RIPOR2: variants seen among roughly 807,000 people sequenced by gnomAD.
The protein encoded by RIPOR2 is RHO family interacting cell polarization regulator 2, also known as rho family-interacting cell polarization regulator 2.
RIPOR2 carries 39 observed loss-of-function variants against 114.5 expected under a neutral mutation model. The ratio of observed to expected loss-of-function variants is 0.34; its 90% CI spans 0.26 to 0.44. The LOEUF (loss-of-function observed/expected upper bound fraction) is 0.44. Among genes scored for constraint, RIPOR2 ranks in the 20% least tolerant of loss-of-function variants. The pLI is 1.00. For synonymous variants in RIPOR2, 445 were observed against 484.4 expected (o/e 0.92, Z 1.07); for missense variants, 1,007 against 1,255.1 (o/e 0.80, Z 2.99).
chr6:24,910,836 T>A (rs1208827885), intron 1 of RIPOR2: 1 of 985,280 alleles, frequency 1.0e-6, no homozygotes, highest in East Asian at 1.1e-4. Flanking sequence ...GACGGCTCCT[T>A]GTCATGTCAG....
intron 1 of RIPOR2, among the ~76,000 whole-genome samples, chr6:24,980,582 G>A (rs987013724): frequency 6.6e-6 from 1 of 152,346 alleles, no homozygotes; most frequent in South Asian, 2.1e-4. Context: ...TAGGAAGGCA[G>A]TTGGCCCCTC....
intron 8 of RIPOR2, among the ~76,000 whole-genome samples, chr6:24,857,266 G>A (rs1383189643): frequency 6.6e-6 from 1 of 152,184 alleles, no homozygotes; most frequent in East Asian, 1.9e-4. Flanking sequence ...CACAGTTGGA[G>A]AAAGCTGCAA....
chr6:24,848,103 T>C lies in RIPOR2; in HGVS notation c.1086A>G (p.Ala362=), dbSNP rs35698586. The stretch of plus-strand genomic sequence containing the variant: ...TGGACATTCTCCTCTGAAGGGCTGC[T>C]GCCTTGTTCCCAGCGCCTGAGGATG... ...MTASSGAGNK[A]AALQRRMSMY... The change falls in exon 12 of 22, where the codon GCA becomes GCG. Residue 362 remains alanine, a synonymous_variant. Transcript: ENST00000643898. 8,451 of 1,613,958 alleles carry C rather than the reference T, an allele frequency of 5.2e-3. 223 individuals are homozygous for C. The African/African-American group carries it at 0.073, about 14-fold the overall frequency.
intron 1 of RIPOR2, among the ~76,000 whole-genome samples, chr6:24,897,119 T>C (rs1767958196): frequency 6.6e-6 from 1 of 152,206 alleles, no homozygotes; most frequent in South Asian, 2.1e-4. Context: ...TCCCAATACA[T>C]TGGAAGTGAA....
At chr6:24,935,980 T>A, upstream of RIPOR2, 1 of 1,075,602 alleles carries the variant, frequency 9.3e-7, no homozygotes, top group Non-Finnish European at 1.4e-6. Context: ...GGTGATTTCC[T>A]TTCCTTGGGT....
chr6:25,002,341 T>C (rs1775359621), intron 1 of RIPOR2, among the ~76,000 whole-genome samples: 1 of 152,216 alleles, frequency 6.6e-6, no homozygotes, highest in Admixed American at 6.5e-5. Context: ...ACTCGTAGAC[T>C]CTACATTCAT....
intron 1 of RIPOR2, among the ~76,000 whole-genome samples, chr6:24,954,431 A>G (rs1038994169): frequency 2.7e-5 from 4 of 147,114 alleles, no homozygotes; most frequent in South Asian, 4.3e-4. Context: ...CACCTGGTGA[A>G]CTGTGCAGGC....
intron 1 of RIPOR2, among the ~76,000 whole-genome samples, chr6:24,899,304 A>G (rs753079250): frequency 9.9e-5 from 15 of 152,222 alleles, no homozygotes; most frequent in South Asian, 4.1e-4. Flanking sequence ...CTTCTTTTGC[A>G]CTGATTTGAA....
At chr6:24,842,761 G>A in intron 13 of RIPOR2, 101 bp downstream of exon 13, 7 of 567,160 alleles carry the variant, frequency 1.2e-5, no homozygotes, top group Admixed American at 3.8e-5. Flanking sequence ...TCCTGTGATT[G>A]GACAGGATTT....
intron 1 of RIPOR2, among the ~76,000 whole-genome samples, chr6:24,904,622 T>C (rs990784321): frequency 3.3e-5 from 5 of 152,260 alleles, no homozygotes; most frequent in Admixed American, 1.3e-4. Context: ...TTATTTTGCC[T>C]ACCATAGCAG....
At chr6:24,985,412 G>T (rs925227398) in intron 1 of RIPOR2, among the ~76,000 whole-genome samples, 1 of 152,002 alleles carries the variant, frequency 6.6e-6, no homozygotes, top group African/African-American at 2.4e-5. Flanking sequence ...AAGGCTGCAA[G>T]TGATCAAAAT....
At chr6:24,975,140 C>T (rs781037622) in intron 1 of RIPOR2, among the ~76,000 whole-genome samples, 11 of 152,124 alleles carry the variant, frequency 7.2e-5, no homozygotes, top group Non-Finnish European at 1.2e-4. Flanking sequence ...GTGAACTGTA[C>T]GGTATGTGAA....
rs1765430409 is a variant in RIPOR2, at chr6:24,873,676, T to C, written c.312A>G (p.Glu104=). 3 of 1,613,604 alleles carry C rather than the reference T, an allele frequency of 1.9e-6. No homozygotes were observed. The highest frequency in any genetic ancestry group is 2.5e-6 in the Non-Finnish European group (3 of 1,179,800). ...CATTTTTCAAGGCCCTGTAGACTTC[T>C]TCCACCCTTTTAGGCTGAGGCTCTT... The part of the protein sequence containing the change: ...PPKEPQPKRV[E]EVYRALKNGL... The change falls in exon 3 of 22, where the codon GAA becomes GAG. Residue 104 remains glutamate, a synonymous_variant. Transcript: ENST00000643898.
At chr6:25,009,962 A>G (rs540789703) in intron 1 of RIPOR2, among the ~76,000 whole-genome samples, 1 of 152,292 alleles carries the variant, frequency 6.6e-6, no homozygotes, top group African/African-American at 2.4e-5. Flanking sequence ...GGATGCCCAG[A>G]AGAACTTCCA....
chr6:24,921,789 G>C, intron 1 of RIPOR2, among the ~76,000 whole-genome samples: 1 of 151,844 alleles, frequency 6.6e-6, no homozygotes, highest in Non-Finnish European at 1.5e-5. Context: ...ACTGAACCAA[G>C]CATGTGGAAG....
At chr6:24,983,106 G>A (rs1256141970) in intron 1 of RIPOR2, among the ~76,000 whole-genome samples, 2 of 151,858 alleles carry the variant, frequency 1.3e-5, no homozygotes, top group Non-Finnish European at 2.9e-5. Flanking sequence ...CTATGCTCCT[G>A]GGTTGTTGCA....
intron 1 of RIPOR2, among the ~76,000 whole-genome samples, chr6:24,918,918 C>G (rs1465595128): frequency 6.6e-6 from 1 of 152,238 alleles, no homozygotes; most frequent in East Asian, 1.9e-4. Context: ...CTAGCTAGCT[C>G]CAGGGTCTAA....
chr6:24,849,799 T>C lies in RIPOR2; in HGVS notation c.1034+3A>G. ...ATGATGAAATAAAGGAAGAGGCACT[T>C]ACTACCAGGTGATTTCCAGGTTCAG... On this transcript the variant is annotated splice_donor_region_variant and intron_variant, in intron 11 of 21. Coordinates refer to ENST00000643898, the MANE Select transcript of RIPOR2 (RefSeq NM_001286445.3). 1.2e-6 allele frequency: 2 copies of C among 1,612,872 alleles called. No individual in the cohort carries two copies. Among genetic ancestry groups the C allele is most frequent in the Non-Finnish European group, 1.7e-6 (2 of 1,178,988 alleles).
chr6:24,875,552 CT>C, intron 2 of RIPOR2, 138 bp downstream of exon 2: 1 of 750,820 alleles, frequency 1.3e-6, no homozygotes, highest in Non-Finnish European at 2.1e-6. Context: ...TTAGTACATC[CT>C]TTCCATGAAA....
Sources: gnomAD v4.1 joint callset for allele counts (sites outside exome capture counted in the v4.1 genomes callset) on GRCh38, gnomAD v4.1.1 for gene constraint, MANE v1.5 for transcripts, NCBI Gene and HGNC (gene_info 2026-07-23, HGNC 2026-07-21) for gene names.